The following GRID2 variants were observed in gnomAD, a reference collection of about 807,000 sequenced individuals.
GRID2 encodes the protein glutamate ionotropic receptor delta type subunit 2.
In GRID2, 33 loss-of-function variants were observed where a neutral mutation model predicts 114.8. The observed-to-expected ratio is 0.29, with a 90% CI of 0.22 to 0.38. The LOEUF (loss-of-function observed/expected upper bound fraction) is 0.38, where lower values mean the gene tolerates loss of function less well. GRID2 is among the 10% of genes least tolerant of loss of function. GRID2 has a pLI of 1.00. For missense variants in GRID2, 1,184 were observed against 1,257.7 expected, an observed-to-expected ratio of 0.94 and a Z score of 0.89; for synonymous variants, 505 against 449.9, an observed-to-expected ratio of 1.12 and a Z score of -1.55.
At chr4:92,976,879 C>A (rs1237294024) in intron 2 of GRID2, among the ~76,000 whole-genome samples, 1 of 152,194 alleles carries the variant, frequency 6.6e-6, no homozygotes, top group South Asian at 2.1e-4. Context: ...TTTATGAAAT[C>A]ATACACTCTT....
At chr4:93,324,300 G>C (rs1398599529) in intron 8 of GRID2, among the ~76,000 whole-genome samples, 1 of 152,138 alleles carries the variant, frequency 6.6e-6, no homozygotes, top group Admixed American at 6.6e-5. Context: ...CATCTGTGGA[G>C]ATAATCATGT....
At chr4:92,612,675 G>A (rs1001706342) in intron 2 of GRID2, among the ~76,000 whole-genome samples, 3 of 151,290 alleles carry the variant, frequency 2.0e-5, no homozygotes, top group Non-Finnish European at 4.4e-5. Flanking sequence ...TCTTCTATTA[G>A]GTTATCTTAG....
chr4:93,419,454 C>CT (rs1768051718), intron 9 of GRID2, among the ~76,000 whole-genome samples: 1 of 152,028 alleles, frequency 6.6e-6, no homozygotes, highest in South Asian at 2.1e-4. Context: ...ATTTCTTTTG[C>CT]TATGTTTACC....
chr4:93,646,799 CTGTT>C (rs977616649), intron 14 of GRID2, among the ~76,000 whole-genome samples: 7 of 151,944 alleles, frequency 4.6e-5, no homozygotes, highest in Non-Finnish European at 1.0e-4. Flanking sequence ...GGACTGGAAA[CTGTT>C]TGGATGTTAT....
At chr4:92,523,391 C>G (rs1370610518) in intron 1 of GRID2, among the ~76,000 whole-genome samples, 4 of 151,764 alleles carry the variant, frequency 2.6e-5, no homozygotes, top group South Asian at 2.1e-4. Context: ...CCAAGCAGAG[C>G]ATATAAGTTA....
intron 13 of GRID2, among the ~76,000 whole-genome samples, chr4:93,541,703 C>A (rs951568526): frequency 6.6e-6 from 1 of 152,094 alleles, no homozygotes; most frequent in Non-Finnish European, 1.5e-5. Flanking sequence ...TTATGCAGTA[C>A]GGTTTGGGAG....
intron 2 of GRID2, among the ~76,000 whole-genome samples, chr4:92,664,536 A>T (rs1010167387): frequency 3.3e-5 from 5 of 151,020 alleles, no homozygotes; most frequent in African/African-American, 1.2e-4. Context: ...GTTGGGTATC[A>T]TGTTCTTTAT....
At chr4:92,579,068 A>G (rs1244443510) in intron 1 of GRID2, among the ~76,000 whole-genome samples, 3 of 152,154 alleles carry the variant, frequency 2.0e-5, no homozygotes, top group African/African-American at 7.2e-5. Context: ...ATAGTAGAAG[A>G]TCCCGAGAAA....
chr4:93,476,198 T>C (rs1334584693), intron 11 of GRID2, among the ~76,000 whole-genome samples: 2 of 152,120 alleles, frequency 1.3e-5, no homozygotes, highest in South Asian at 2.1e-4. Flanking sequence ...AAATAGGCAA[T>C]TGGTATACAA....
At chr4:93,484,749 T>A (rs916488754) in intron 11 of GRID2, among the ~76,000 whole-genome samples, 1 of 151,906 alleles carries the variant, frequency 6.6e-6, no homozygotes, top group African/African-American at 2.4e-5. Flanking sequence ...TAGGTTACAG[T>A]CTGTTTGTAC....
intron 2 of GRID2, among the ~76,000 whole-genome samples, chr4:92,806,584 T>C (rs1307803449): frequency 6.6e-6 from 1 of 151,900 alleles, no homozygotes; most frequent in Non-Finnish European, 1.5e-5. Context: ...CTGTGCTAAG[T>C]ATGATAATTA....
intron 8 of GRID2, among the ~76,000 whole-genome samples, chr4:93,350,636 C>G (rs1159407061): frequency 6.6e-6 from 1 of 151,876 alleles, no homozygotes; most frequent in African/African-American, 2.4e-5. Flanking sequence ...CACATACATA[C>G]TAGTTGCAGT....
At chr4:93,003,628 C>A (rs1328301150) in intron 2 of GRID2, among the ~76,000 whole-genome samples, 1 of 151,884 alleles carries the variant, frequency 6.6e-6, no homozygotes, top group African/African-American at 2.4e-5. Context: ...AAAAATTAGT[C>A]TGGCCATGTT....
At chr4:92,820,341 TTA>T (rs2149386707) in intron 2 of GRID2, among the ~76,000 whole-genome samples, 1 of 152,234 alleles carries the variant, frequency 6.6e-6, no homozygotes, top group South Asian at 2.1e-4. Context: ...TGAGTAGATC[TTA>T]GGGATTCTAA....
At chr4:92,385,610 A>C (rs1165778578) in intron 1 of GRID2, among the ~76,000 whole-genome samples, 1 of 151,554 alleles carries the variant, frequency 6.6e-6, no homozygotes, top group Admixed American at 6.6e-5. Flanking sequence ...CTGCATTTTC[A>C]AAACCAAATA....
chr4:92,939,296 T>G (rs983408600), intron 2 of GRID2, among the ~76,000 whole-genome samples: 6 of 147,682 alleles, frequency 4.1e-5, no homozygotes, highest in African/African-American at 1.5e-4. Flanking sequence ...GGTTTTGATT[T>G]GCATTTCTCT....
intron 2 of GRID2, among the ~76,000 whole-genome samples, chr4:92,714,446 GC>G (rs999580430): frequency 1.4e-4 from 21 of 152,172 alleles, no homozygotes; most frequent in African/African-American, 3.9e-4. Flanking sequence ...GAGAATGGTA[GC>G]CCTCTTCTCA....
chr4:93,033,574 T>C (rs952635062), intron 2 of GRID2, among the ~76,000 whole-genome samples: 5 of 152,154 alleles, frequency 3.3e-5, no homozygotes, highest in Non-Finnish European at 5.9e-5. Flanking sequence ...GGTCTAGCTA[T>C]ATTAACCAAA....
intron 14 of GRID2, among the ~76,000 whole-genome samples, chr4:93,686,030 A>G (rs2110104205): frequency 6.6e-6 from 1 of 152,170 alleles, no homozygotes; most frequent in Middle Eastern, 3.4e-3. Context: ...CTGCTGTTGC[A>G]GATGCAGTTA....
Sources: gnomAD v4.1 joint callset for allele counts (sites outside exome capture counted in the v4.1 genomes callset) on GRCh38, gnomAD v4.1.1 for gene constraint, MANE v1.5 for transcripts, NCBI Gene and HGNC (gene_info 2026-07-23, HGNC 2026-07-21) for gene names.